ZNF106: variants seen among roughly 807,000 people sequenced by gnomAD.
ZNF106 encodes the protein zinc finger protein 106, also known as SH3-domain binding protein 3.
ZNF106 carries 67 observed loss-of-function variants against 195.1 expected under a neutral mutation model. That is an observed-to-expected ratio of 0.34 (90% CI 0.28 to 0.42). The LOEUF is 0.42. Among genes scored for constraint, ZNF106 ranks in the 10% least tolerant of loss-of-function variants. ZNF106 has a pLI of 1.00. For synonymous variants in ZNF106, 784 were observed against 818.6 expected (o/e 0.96, Z 0.72); for missense variants, 2,118 against 2,304.5 (o/e 0.92, Z 1.66).
chr15:42,483,154 C>T (rs2056940607), intron 1 of ZNF106, among the ~76,000 whole-genome samples: 5 of 150,898 alleles, frequency 3.3e-5, no homozygotes, highest in East Asian at 3.9e-4. Context: ...GTTAACTCCC[C>T]GCTAGAATCT....
At chr15:42,471,292 C>T (rs967302844) in intron 2 of ZNF106, among the ~76,000 whole-genome samples, 1 of 152,186 alleles carries the variant, frequency 6.6e-6, no homozygotes, top group East Asian at 1.9e-4. Context: ...CAGTTCTCTG[C>T]ATTTCCAGTA....
At chr15:42,436,437 T>C (rs185857067) in intron 13 of ZNF106, among the ~76,000 whole-genome samples, 112 of 151,756 alleles carry the variant, frequency 7.4e-4, no homozygotes, top group African/African-American at 2.6e-3. Flanking sequence ...CCTCATATCA[T>C]TAAGCTAAAG....
In ZNF106 at chr15:42,457,070, C is replaced by G; in HGVS notation, c.205G>C (p.Asp69His). 1.2e-6 allele frequency: 2 copies of G among 1,612,788 alleles called. No homozygotes were observed. The highest frequency in any genetic ancestry group is 1.7e-6 in the Non-Finnish European group (2 of 1,179,310). ...TCTCTTTCCTGGGCATCAACGTTAT[C>G]TTTGTGCAACTGGCCAGAAATGTGC... ...AKHISGQLHK[D>H]NVDAQEREDD... Residue 69 changes from aspartate (D) to histidine (H), a missense_variant, in exon 4 of 22, where the codon GAT becomes CAT. By Grantham distance (81) the Asp-to-His change is moderately conservative. Transcript: ENST00000564754.
intron 14 of ZNF106, among the ~76,000 whole-genome samples, chr15:42,430,212 T>C (rs1013306570): frequency 5.3e-5 from 8 of 152,090 alleles, no homozygotes; most frequent in Admixed American, 1.3e-4. Context: ...CCCTTAATAC[T>C]GAAAAGCCTT....
chr15:42,432,790 C>T (rs2055102034), intron 14 of ZNF106, among the ~76,000 whole-genome samples: 1 of 151,366 alleles, frequency 6.6e-6, no homozygotes, highest in Admixed American at 6.6e-5. Context: ...GAGGCTGAGG[C>T]GGAAGGATCA....
At chr15:42,417,731 TA>T in intron 21 of ZNF106, 73 bp downstream of exon 21, 2 of 1,470,846 alleles carry the variant, frequency 1.4e-6, no homozygotes, top group Non-Finnish European at 9.0e-7. Context: ...TTCTCAATAA[TA>T]AAAAAGGTTT....
At chr15:42,440,994 AAAAAATATATATAT>A (rs1330554560) in intron 10 of ZNF106, among the ~76,000 whole-genome samples, 4 of 54,482 alleles carry the variant, frequency 7.3e-5, no homozygotes, top group South Asian at 6.9e-4. Flanking sequence ...AAAAAAAAAA[AAAAAATATATATAT>A]ATATATATAT....
chr15:42,490,603 G>A (rs1173685308), intron 1 of ZNF106, among the ~76,000 whole-genome samples: 1 of 152,206 alleles, frequency 6.6e-6, no homozygotes, highest in Non-Finnish European at 1.5e-5. Flanking sequence ...TGTCAGTCGC[G>A]AGAGGTTGAA....
At position 42,450,011 on chromosome 15, in the gene ZNF106, T is replaced by C. The variant is rs752022832; in HGVS notation, c.2261A>G (p.Asp754Gly). ...CTTCAAACTAATGTGCCGGGTTAGA[T>C]CCCTCTGAAGTGAGGCAGGAAAGCC... ...KLGFPASLQR[D>G]LTRHISLKSK... Residue 754 changes from aspartate to glycine, a missense_variant, in exon 5 of 22, where the codon GAT (aspartate) becomes GGT (glycine). By Grantham distance (94) the Asp-to-Gly change is moderately conservative. Coordinates refer to ENST00000564754, the MANE Select transcript of ZNF106 (RefSeq NM_001366845.3). 3.1e-6 allele frequency: 5 copies of C among 1,614,026 alleles called. No individual in the cohort carries two copies. The highest frequency in any genetic ancestry group is 2.7e-5 in the African/African-American group (2 of 74,920).
At chr15:42,465,657 A>ATG (rs2056498648) in intron 3 of ZNF106, among the ~76,000 whole-genome samples, 1 of 152,228 alleles carries the variant, frequency 6.6e-6, no homozygotes, top group Non-Finnish European at 1.5e-5. Flanking sequence ...CAGACTTTGG[A>ATG]TGTCTCAGAC....
At chr15:42,471,450 C>A (rs938995893) in intron 2 of ZNF106, among the ~76,000 whole-genome samples, 1 of 152,182 alleles carries the variant, frequency 6.6e-6, no homozygotes, top group Non-Finnish European at 1.5e-5. Context: ...GATGTTTTGG[C>A]CGGGCACAGT....
At chr15:42,425,833 C>G (rs2054834413) in intron 15 of ZNF106, 1 of 152,170 alleles carries the variant, frequency 6.6e-6, no homozygotes, top group South Asian at 2.1e-4. Flanking sequence ...CACCTGGTTC[C>G]ATGTCATCTC....
At chr15:42,447,368 T>C (rs2055811247) in intron 6 of ZNF106, among the ~76,000 whole-genome samples, 1 of 151,912 alleles carries the variant, frequency 6.6e-6, no homozygotes, top group African/African-American at 2.4e-5. Context: ...TTTTAAAATA[T>C]TATAAAATAA....
chr15:42,479,153 C>A (rs575692207), intron 1 of ZNF106, among the ~76,000 whole-genome samples: 3 of 152,110 alleles, frequency 2.0e-5, no homozygotes, highest in East Asian at 1.9e-4. Flanking sequence ...GTGGGTGGAT[C>A]ACCTGAGGTC....
intron 3 of ZNF106, among the ~76,000 whole-genome samples, chr15:42,464,522 CTTTTTTTTTT>C (rs928173954): frequency 7.0e-5 from 8 of 113,484 alleles, no homozygotes; most frequent in African/African-American, 2.6e-4. Context: ...ACACATGCTA[CTTTTTTTTTT>C]TTTTTTTTTT....
At position 42,417,806 on chromosome 15, in the gene ZNF106, T is replaced by A; in HGVS notation, c.5663A>T (p.Gln1888Leu). Reference sequence around the variant, plus strand: ...AAACCTCAAGTCCCACTAATGTACCTGTTTGGATCCTTTCCTAGCAGTGAA... The same window carrying A: ...AAACCTCAAGTCCCACTAATGTACCAGTTTGGATCCTTTCCTAGCAGTGAA... ...AFFTARKGSK[Q>L]DAAGHIERHA... Residue 1888 changes from glutamine (Q) to leucine (L), a missense_variant and splice_region_variant, in exon 21 of 22, where the codon CAG becomes CTG. Physicochemically the swap from Gln to Leu is moderately radical, Grantham distance 113. Coordinates refer to ENST00000564754, the MANE Select transcript of ZNF106 (RefSeq NM_001366845.3). The A allele has an allele frequency of 6.2e-7, 1 of 1,612,570 alleles. No individual in the cohort carries two copies. The highest frequency in any genetic ancestry group is 8.5e-7 in the Non-Finnish European group (1 of 1,179,334).
In ZNF106 at chr15:42,451,930, G is replaced by A. The variant is rs766123734; in HGVS notation, c.342C>T (p.Asn114=). 6.8e-6 allele frequency: 11 copies of A among 1,611,956 alleles called. No homozygotes were observed. In the South Asian group the frequency reaches 1.1e-4, roughly 16 times the overall value. ...QSRQDEPSNS[N]QEINSDDRRP... Reference sequence around the variant, plus strand: ...GTCTGTCATCAGAGTTTATTTCTTGGTTGCTATTGGAAGGTTCATCTTGTC... The same window carrying A: ...GTCTGTCATCAGAGTTTATTTCTTGATTGCTATTGGAAGGTTCATCTTGTC... The change falls in exon 5 of 22, where the codon AAC becomes AAT. Residue 114 remains asparagine, a synonymous_variant. Transcript: ENST00000564754.
At chr15:42,425,130 A>AT in intron 15 of ZNF106, 105 bp from the exon 16 acceptor site, 1 of 1,092,208 alleles carries the variant, frequency 9.2e-7, no homozygotes, top group Non-Finnish European at 1.3e-6. Flanking sequence ...CTGTACTCAA[A>AT]TTTTCATACC....
In ZNF106 at chr15:42,415,411, C is replaced by T. The variant is rs1386674181; in HGVS notation, c.*1893G>A. 2.2e-6 allele frequency: 1 copy of T among 454,226 alleles called. No homozygotes were observed. The highest frequency in any genetic ancestry group is 4.4e-6 in the Non-Finnish European group (1 of 226,146). The allele number at this position is 454,226 out of a possible 1,614,324, so 28.1% of individuals were successfully genotyped here. A position where few individuals can be genotyped will look rare whatever the true frequency, so the allele number is the denominator to read the frequency against. On this transcript the variant is annotated 3_prime_UTR_variant, in exon 22 of 22. Transcript: ENST00000564754. ...AGCTGGGATTACAGGTGTGAGCCACCAGGCCCGGCCTCCTAGATTAATTCT... is the reference window on the plus strand; with the variant it reads ...AGCTGGGATTACAGGTGTGAGCCACTAGGCCCGGCCTCCTAGATTAATTCT...
Sources: allele counts gnomAD v4.1 joint callset (sites outside exome capture counted in the v4.1 genomes callset), GRCh38; gene constraint gnomAD v4.1.1; transcripts MANE v1.5; gene names NCBI Gene and HGNC (gene_info 2026-07-23, HGNC 2026-07-21).